MAOA: variants seen among roughly 807,000 people sequenced by gnomAD.
The protein encoded by MAOA is amine oxidase [flavin-containing] A.
Under a neutral mutation model 42.0 loss-of-function variants are expected in MAOA, and 6 were observed. That is an observed-to-expected ratio of 0.14 (90% CI 0.08 to 0.28). The LOEUF (loss-of-function observed/expected upper bound fraction) is 0.28. MAOA is among the 10% of genes least tolerant of loss of function. The pLI is 1.00. For missense variants in MAOA, 262 were observed against 422.3 expected, an observed-to-expected ratio of 0.62 and a Z score of 3.33; for synonymous variants, 140 against 154.0, an observed-to-expected ratio of 0.91 and a Z score of 0.67.
chrX:43,691,183 G>A (rs1052317604), intron 2 of MAOA, among the ~76,000 whole-genome samples: 4 of 110,497 alleles, frequency 3.6e-5, no homozygotes, highest in Non-Finnish European at 7.6e-5. Context: ...AGGAGCTTGA[G>A]ATCAGCCTGA....
At chrX:43,665,722 C>T (rs962001900) in intron 1 of MAOA, among the ~76,000 whole-genome samples, 3 of 110,912 alleles carry the variant, frequency 2.7e-5, no homozygotes, top group Middle Eastern at 4.3e-3. Flanking sequence ...TTTAGCCTAT[C>T]AAGGGGATTA....
intron 12 of MAOA, 62 bp from the exon 13 acceptor site, chrX:43,743,732 T>C: frequency 9.1e-7 from 1 of 1,102,893 alleles, no homozygotes; most frequent in Non-Finnish European, 1.2e-6. Context: ...GGGCAGTGAT[T>C]GGCTCATTTA....
chrX:43,665,810 T>TTAGATAGATAGA (rs35784967), intron 1 of MAOA, among the ~76,000 whole-genome samples: 1,276 of 98,364 alleles, frequency 0.013, 9 homozygotes, highest in Non-Finnish European at 0.018. Context: ...TAGGTATAGA[T>TTAGATAGATAGA]TAGATAGATA....
At chrX:43,720,834 A>G (rs1264486343) in intron 5 of MAOA, among the ~76,000 whole-genome samples, 1 of 110,241 alleles carries the variant, frequency 9.1e-6, no homozygotes, top group Non-Finnish European at 1.9e-5. Context: ...CACCCATAGT[A>G]TTAGGGTGGC....
chrX:43,686,021 A>G (rs1047153841), intron 2 of MAOA, among the ~76,000 whole-genome samples: 1 of 111,897 alleles, frequency 8.9e-6, no homozygotes, highest in Non-Finnish European at 1.9e-5. Flanking sequence ...TCCTCGAAGA[A>G]ACTCCCTTCC....
chrX:43,737,132 G>A (rs914637839), intron 10 of MAOA, among the ~76,000 whole-genome samples: 8 of 111,572 alleles, frequency 7.2e-5, no homozygotes, highest in Non-Finnish European at 1.1e-4. Flanking sequence ...ATGGTTTGCA[G>A]GTAAGCTTTA....
At chrX:43,724,594 T>A (rs2033817416) in intron 5 of MAOA, among the ~76,000 whole-genome samples, 1 of 111,277 alleles carries the variant, frequency 9.0e-6, no homozygotes, top group African/African-American at 3.3e-5. Context: ...TTGCTAGTGG[T>A]CTATTTTGTT....
intron 5 of MAOA, among the ~76,000 whole-genome samples, chrX:43,724,257 A>T (rs2033814855): frequency 9.0e-6 from 1 of 111,627 alleles, no homozygotes; most frequent in African/African-American, 3.3e-5. Flanking sequence ...AAGGAATGGT[A>T]CCAGCTCCTC....
intron 3 of MAOA, among the ~76,000 whole-genome samples, chrX:43,704,064 G>A (rs918645429): frequency 9.0e-6 from 1 of 111,321 alleles, no homozygotes; most frequent in Non-Finnish European, 1.9e-5. Flanking sequence ...TTTACCAAAA[G>A]TTTAAAGAAG....
intron 1 of MAOA, among the ~76,000 whole-genome samples, chrX:43,671,308 ATTTG>A (rs1422415385): frequency 9.2e-6 from 1 of 108,287 alleles, no homozygotes; most frequent in Non-Finnish European, 1.9e-5. Context: ...TTTCTTGTAA[ATTTG>A]TTTGAGTTCA....
intron 3 of MAOA, among the ~76,000 whole-genome samples, chrX:43,695,627 G>A (rs1044378698): frequency 1.8e-5 from 2 of 111,864 alleles, no homozygotes; most frequent in African/African-American, 3.3e-5. Context: ...AGCTATTTGG[G>A]AGGCTGAGGC....
At chrX:43,696,197 G>C (rs1361861641) in intron 3 of MAOA, among the ~76,000 whole-genome samples, 1 of 111,690 alleles carries the variant, frequency 9.0e-6, no homozygotes, top group Non-Finnish European at 1.9e-5. Flanking sequence ...TTTTGTTGCT[G>C]CTGCTGAGTC....
chrX:43,740,654 T>C (rs182821727), intron 10 of MAOA, 27 bp from the exon 11 acceptor site: 1 of 1,136,451 alleles, frequency 8.8e-7, no homozygotes, highest in African/African-American at 1.8e-5. Context: ...AACTTTATTT[T>C]TTTTTTTTTT....
chrX:43,717,005 A>T (rs375716169), intron 5 of MAOA, among the ~76,000 whole-genome samples: 1 of 110,365 alleles, frequency 9.1e-6, no homozygotes, highest in African/African-American at 3.3e-5. Flanking sequence ...ACACAGAAGG[A>T]TGGGGCGAGA....
At chrX:43,734,306 C>G (rs1347198151) in intron 9 of MAOA, among the ~76,000 whole-genome samples, 1 of 110,233 alleles carries the variant, frequency 9.1e-6, no homozygotes, top group Non-Finnish European at 1.9e-5. Flanking sequence ...TGAGAGTTTC[C>G]TTGGAAACTG....
At chrX:43,699,658 C>A (rs756874971) in intron 3 of MAOA, among the ~76,000 whole-genome samples, 1 of 107,181 alleles carries the variant, frequency 9.3e-6, no homozygotes, top group Non-Finnish European at 1.9e-5. Context: ...TTTTTTTTTT[C>A]TTTTTGTATT....
intron 12 of MAOA, 122 bp downstream of exon 12, chrX:43,742,169 T>C: frequency 9.2e-7 from 1 of 1,085,394 alleles, no homozygotes; most frequent in Non-Finnish European, 1.2e-6. Flanking sequence ...TCCTAGATAA[T>C]ACTTGTATAT....
intron 1 of MAOA, among the ~76,000 whole-genome samples, chrX:43,678,529 A>T (rs1430541500): frequency 8.9e-6 from 1 of 112,252 alleles, no homozygotes; most frequent in Non-Finnish European, 1.9e-5. Flanking sequence ...TTTACAAAAA[A>T]ATGCTCAATA....
intron 5 of MAOA, among the ~76,000 whole-genome samples, chrX:43,713,274 A>C (rs2147094801): frequency 9.0e-6 from 1 of 111,284 alleles, no homozygotes; most frequent in Admixed American, 9.6e-5. Context: ...ATAAGTGGGA[A>C]TTGAACATTA....
Sources: gnomAD v4.1 joint callset for allele counts (sites outside exome capture counted in the v4.1 genomes callset) on GRCh38, gnomAD v4.1.1 for gene constraint, MANE v1.5 for transcripts, NCBI Gene and HGNC (gene_info 2026-07-23, HGNC 2026-07-21) for gene names.